The following PRKN variants were observed in gnomAD, a reference collection of about 807,000 sequenced individuals.
PRKN encodes the protein parkin RBR E3 ubiquitin protein ligase, also known as E3 ubiquitin-protein ligase parkin.
PRKN carries 56 observed loss-of-function variants against 59.5 expected under a neutral mutation model. The ratio of observed to expected loss-of-function variants is 0.94; its 90% CI spans 0.76 to 1.18. The LOEUF is 1.18. Ranked by LOEUF, PRKN falls within the 50% of genes most tolerant of loss-of-function variation. The probability of loss-of-function intolerance (pLI) is 0.00; values close to 1 mark genes in which losing one functional copy is unlikely to be tolerated. For missense variants in PRKN, 657 were observed against 596.4 expected (o/e 1.10, Z -1.06); for synonymous variants, 250 against 222.1 (o/e 1.13, Z -1.12).
rs9347508 is a variant in PRKN, at chr6:161,429,305, T to C, written c.1084-42428A>G. The stretch of plus-strand genomic sequence containing the variant: ...GTGTGGAATACAATGGTAAACAAGA[T>C]TGAGAAAGTTCCTGCCCTCAGGGAG... On this transcript the variant is annotated intron_variant, in intron 9 of 11. Coordinates refer to ENST00000366898, the MANE Select transcript of PRKN (RefSeq NM_004562.3). This position sits in a 1 kb window ranked among gnomAD's most constrained non-coding sequence, Gnocchi z 4.2. 0.045 allele frequency among the ~76,000 whole-genome samples: 6,818 copies of C among 152,152 alleles called. 218 individuals carry two copies. Among genetic ancestry groups the C allele is most frequent in the East Asian group, 0.1 (538 of 5,178 alleles).
chr6:162,383,901 C>T (rs895821996), intron 2 of PRKN, among the ~76,000 whole-genome samples: 1 of 152,204 alleles, frequency 6.6e-6, no homozygotes, highest in Non-Finnish European at 1.5e-5. Context: ...GAGATGGCTT[C>T]TCTCCTTCAA....
intron 7 of PRKN, among the ~76,000 whole-genome samples, chr6:161,634,046 C>T (rs1217426280): frequency 7.0e-6 from 1 of 143,786 alleles, no homozygotes; most frequent in Non-Finnish European, 1.5e-5. Context: ...ACATCCCCCA[C>T]CCCCTAAAAC....
intron 3 of PRKN, among the ~76,000 whole-genome samples, chr6:162,260,639 A>T (rs1016491090): frequency 1.3e-5 from 2 of 152,194 alleles, no homozygotes; most frequent in African/African-American, 4.8e-5. Context: ...CAAAATAAGA[A>T]GACTAAAATT....
At chr6:161,637,976 A>G (rs1213543071) in intron 7 of PRKN, among the ~76,000 whole-genome samples, 1 of 152,032 alleles carries the variant, frequency 6.6e-6, no homozygotes, top group African/African-American at 2.4e-5. Flanking sequence ...ACAGTCTTAA[A>G]CTTTTTTCTC....
Position 161,460,257 on chromosome 6 carries a change from T to C in PRKN, c.1084-73380A>G, listed in dbSNP as rs1259836644. Among the ~76,000 whole-genome samples, 4 of 152,346 alleles carry C rather than the reference T, an allele frequency of 2.6e-5. No individual in the cohort carries two copies. Among genetic ancestry groups the C allele is most frequent in the South Asian group, 2.1e-4 (1 of 4,822 alleles). ...AACAAAAGATTATTTTATTTAATTCTTGTTGATGGGCACCGTGTGTTTACA... is the reference window on the plus strand; with the variant it reads ...AACAAAAGATTATTTTATTTAATTCCTGTTGATGGGCACCGTGTGTTTACA... On this transcript the variant is annotated intron_variant, in intron 9 of 11. Coordinates refer to ENST00000366898, the MANE Select transcript of PRKN (RefSeq NM_004562.3). The surrounding 1 kb of genome is among the most constrained non-coding windows in gnomAD (Gnocchi z 5.0).
At chr6:161,954,643 T>C (rs1256175142) in intron 6 of PRKN, among the ~76,000 whole-genome samples, 1 of 152,232 alleles carries the variant, frequency 6.6e-6, no homozygotes, top group Admixed American at 6.5e-5. Flanking sequence ...TAAGTATTCA[T>C]TTCCACTGTA....
At chr6:162,516,571 G>A (rs565404072) in intron 1 of PRKN, among the ~76,000 whole-genome samples, 2 of 152,242 alleles carry the variant, frequency 1.3e-5, no homozygotes, top group Middle Eastern at 6.8e-3. Flanking sequence ...GGCCAACATG[G>A]TGAAACACTG....
chr6:162,640,419 G>C (rs570741476), intron 1 of PRKN, among the ~76,000 whole-genome samples: 1 of 152,218 alleles, frequency 6.6e-6, no homozygotes, highest in South Asian at 2.1e-4. Context: ...TGAATTCTAA[G>C]GGATGAGTGA....
At chr6:162,497,773 G>C (rs1317457452) in intron 1 of PRKN, among the ~76,000 whole-genome samples, 1 of 152,148 alleles carries the variant, frequency 6.6e-6, no homozygotes, top group Non-Finnish European at 1.5e-5. Flanking sequence ...AAAGCATAAG[G>C]GGGGAGGAGG....
intron 6 of PRKN, among the ~76,000 whole-genome samples, chr6:161,959,597 A>G (rs1313135037): frequency 6.6e-6 from 1 of 152,190 alleles, no homozygotes; most frequent in Non-Finnish European, 1.5e-5. Context: ...CCTCCCATTA[A>G]TATTAAAATA....
intron 7 of PRKN, among the ~76,000 whole-genome samples, chr6:161,585,536 A>G (rs1430123024): frequency 6.6e-6 from 1 of 152,254 alleles, no homozygotes; most frequent in African/African-American, 2.4e-5. Context: ...CACATCTCAA[A>G]TTTTGTGTAT....
At chr6:162,307,424 A>T (rs573377069) in intron 2 of PRKN, among the ~76,000 whole-genome samples, 2 of 151,512 alleles carry the variant, frequency 1.3e-5, no homozygotes, top group Non-Finnish European at 2.9e-5. Flanking sequence ...AAAAACACCA[A>T]CTAGATATAA....
chr6:162,398,460 G>A (rs1207546440), intron 2 of PRKN, among the ~76,000 whole-genome samples: 2 of 151,202 alleles, frequency 1.3e-5, no homozygotes, highest in South Asian at 2.1e-4. Context: ...GCACAATCTC[G>A]GCTCACTGAA....
chr6:161,481,662 A>G (rs1791407613), intron 9 of PRKN, among the ~76,000 whole-genome samples: 1 of 151,996 alleles, frequency 6.6e-6, no homozygotes, highest in Non-Finnish European at 1.5e-5. Flanking sequence ...GAAAAAAAGA[A>G]CCTTTGCCGC....
intron 8 of PRKN, among the ~76,000 whole-genome samples, chr6:161,565,962 C>A (rs1430318431): frequency 1.3e-5 from 2 of 152,154 alleles, no homozygotes; most frequent in African/African-American, 4.8e-5. Flanking sequence ...ATGCCTACAT[C>A]CAAGGACACT....
chr6:161,382,666 T>C (rs904637046), intron 10 of PRKN, among the ~76,000 whole-genome samples: 1 of 152,162 alleles, frequency 6.6e-6, no homozygotes, highest in Non-Finnish European at 1.5e-5. Context: ...TGGACTCTCG[T>C]TAGTCTGTGA....
At chr6:161,516,782 G>A (rs371154909) in intron 9 of PRKN, among the ~76,000 whole-genome samples, 115 of 119,502 alleles carry the variant, frequency 9.6e-4, no homozygotes, top group African/African-American at 3.4e-3. Context: ...AGCCAAGATC[G>A]CACCACTGCA....
chr6:161,563,198 C>G (rs1178645987), intron 8 of PRKN, among the ~76,000 whole-genome samples: 2 of 151,986 alleles, frequency 1.3e-5, no homozygotes, highest in African/African-American at 4.8e-5. Flanking sequence ...AGGTGACATC[C>G]CTATTTGTTT....
At chr6:161,455,861 CA>C (rs60382394) in intron 9 of PRKN, among the ~76,000 whole-genome samples, 15,069 of 72,734 alleles carry the variant, frequency 0.21, 736 homozygotes, top group African/African-American at 0.3. Flanking sequence ...GACTCCGTCT[CA>C]AAAAAAAAAA....
Sources: allele counts gnomAD v4.1 joint callset (sites outside exome capture counted in the v4.1 genomes callset), GRCh38; gene constraint gnomAD v4.1.1; non-coding constraint Gnocchi (gnomAD v3.1); transcripts MANE v1.5; gene names NCBI Gene and HGNC (gene_info 2026-07-23, HGNC 2026-07-21).